The following RBPJ variants were observed in gnomAD, a reference collection of about 807,000 sequenced individuals.
RBPJ encodes recombining binding protein suppressor of hairless.
Under a neutral mutation model 67.8 loss-of-function variants are expected in RBPJ, and 9 were observed. That is an observed-to-expected ratio of 0.13 (90% CI 0.08 to 0.23). The LOEUF (loss-of-function observed/expected upper bound fraction) is 0.23, where lower values mean the gene tolerates loss of function less well. Among genes scored for constraint, RBPJ ranks in the 10% least tolerant of loss-of-function variants. The probability of loss-of-function intolerance (pLI) is 1.00; values close to 1 mark genes in which losing one functional copy is unlikely to be tolerated. For synonymous variants in RBPJ, 198 were observed against 203.3 expected (o/e 0.97, Z 0.22); for missense variants, 305 against 595.6 (o/e 0.51, Z 5.08).
Position 26,424,572 on chromosome 4 carries a change from C to T in RBPJ, c.635-59C>T. On this transcript the variant is annotated intron_variant, in intron 6 of 10. Transcript: ENST00000355476. The surrounding 1 kb of genome is among the most constrained non-coding windows in gnomAD (Gnocchi z 5.3). ...GGATATATTAAGTTTTGTCATTTGC[C>T]TAATCATAAAATAAATTTAAAAAGA... is the stretch of plus-strand genomic sequence containing the variant. 1 of 1,557,800 alleles carries T rather than the reference C, an allele frequency of 6.4e-7. No individual in the cohort carries two copies. Among genetic ancestry groups the T allele is most frequent in the Admixed American group, 1.8e-5 (1 of 56,918 alleles).
chr4:26,194,999 T>C (rs1256643457), intron 1 of RBPJ, among the ~76,000 whole-genome samples: 6 of 152,236 alleles, frequency 3.9e-5, no homozygotes, highest in Non-Finnish European at 5.9e-5. Flanking sequence ...TTCAGGTTTA[T>C]ACTGTAAGCC....
chr4:26,157,611 T>C, the RBPJ span, among the ~76,000 whole-genome samples: 6 of 152,330 alleles, frequency 3.9e-5, no homozygotes, highest in Admixed American at 2.0e-4. Flanking sequence ...AAACTTTCCA[T>C]AAACTTTTTC....
the RBPJ span, among the ~76,000 whole-genome samples, chr4:26,131,501 A>T: frequency 6.6e-6 from 1 of 152,182 alleles, no homozygotes; most frequent in Admixed American, 6.5e-5. Context: ...AGGTCCGTGG[A>T]AGCCCACTGA....
chr4:26,380,668 A>C (rs550133856), intron 1 of RBPJ, among the ~76,000 whole-genome samples: 1 of 152,196 alleles, frequency 6.6e-6, no homozygotes, highest in East Asian at 1.9e-4. Flanking sequence ...TTCATGGTTC[A>C]GAAATCCCAG....
the RBPJ span, among the ~76,000 whole-genome samples, chr4:26,152,460 C>T: frequency 6.6e-6 from 1 of 152,230 alleles, no homozygotes; most frequent in Non-Finnish European, 1.5e-5. Flanking sequence ...GATGGGAAAA[C>T]TTGCATGAGA....
chr4:26,306,892 A>G (rs1722256487), intron 1 of RBPJ, among the ~76,000 whole-genome samples: 1 of 152,088 alleles, frequency 6.6e-6, no homozygotes, highest in South Asian at 2.1e-4. Flanking sequence ...TAACTATTTA[A>G]AATATATTTT....
chr4:26,401,293 C>A (rs868706367), intron 2 of RBPJ, among the ~76,000 whole-genome samples: 1 of 152,186 alleles, frequency 6.6e-6, no homozygotes, highest in South Asian at 2.1e-4. Context: ...CAAAGCTATA[C>A]CCCTAATCAC....
chr4:26,264,745 C>T lies in RBPJ; in HGVS notation c.-166-97701C>T, dbSNP rs575545861. On this transcript the variant is annotated intron_variant, in intron 1 of 4. Transcript: ENST00000512351. The surrounding 1 kb of genome is among the most constrained non-coding windows in gnomAD (Gnocchi z 4.1). ...AGCTTAGTTGTCACTTTCTTGGCCCCTCAAGATGACGTTGGTGCCCCTGCA... is the reference window on the plus strand; with the variant it reads ...AGCTTAGTTGTCACTTTCTTGGCCCTTCAAGATGACGTTGGTGCCCCTGCA... Among the ~76,000 whole-genome samples the T allele has an allele frequency of 6.6e-6, 1 of 152,312 alleles. No individual in the cohort carries two copies. Among genetic ancestry groups the T allele is most frequent in the Middle Eastern group, 3.4e-3 (1 of 294 alleles).
At chr4:26,221,338 C>A (rs760669648) in intron 1 of RBPJ, among the ~76,000 whole-genome samples, 2 of 152,210 alleles carry the variant, frequency 1.3e-5, no homozygotes, top group Admixed American at 6.5e-5. Context: ...GATCCACCCG[C>A]CTCCGCCTCT....
intron 2 of RBPJ, among the ~76,000 whole-genome samples, chr4:26,393,349 A>G (rs1157723106): frequency 6.6e-6 from 1 of 152,044 alleles, no homozygotes; most frequent in African/African-American, 2.4e-5. Flanking sequence ...CCCTTTGATA[A>G]TATAATTTTA....
the RBPJ span, among the ~76,000 whole-genome samples, chr4:26,115,306 T>C: frequency 2.6e-5 from 4 of 152,286 alleles, no homozygotes; most frequent in South Asian, 8.3e-4. Context: ...AGCTAAAAAA[T>C]GTTTTTGTGA....
At chr4:26,312,554 T>C (rs1447145478) in intron 1 of RBPJ, among the ~76,000 whole-genome samples, 1 of 152,192 alleles carries the variant, frequency 6.6e-6, no homozygotes, top group African/African-American at 2.4e-5. Flanking sequence ...ACGTGCTGTT[T>C]CCTGTGCTTG....
chr4:26,397,306 G>T (rs1364435281), intron 2 of RBPJ, among the ~76,000 whole-genome samples: 1 of 152,052 alleles, frequency 6.6e-6, no homozygotes, highest in Non-Finnish European at 1.5e-5. Flanking sequence ...GTTTTGTGGG[G>T]GTGCGTATAA....
chr4:26,136,684 A>G, the RBPJ span, among the ~76,000 whole-genome samples: 4 of 152,188 alleles, frequency 2.6e-5, no homozygotes, highest in Non-Finnish European at 5.9e-5. Flanking sequence ...AAACATCATG[A>G]TCATCATCAT....
intron 1 of RBPJ, among the ~76,000 whole-genome samples, chr4:26,336,828 A>G (rs1724884933): frequency 6.6e-6 from 1 of 152,210 alleles, no homozygotes; most frequent in African/African-American, 2.4e-5. Flanking sequence ...ACCAAAACAC[A>G]TTAACATTTT....
At chr4:26,195,455 T>C (rs1232889640) in intron 1 of RBPJ, among the ~76,000 whole-genome samples, 8 of 152,178 alleles carry the variant, frequency 5.3e-5, no homozygotes, top group Non-Finnish European at 8.8e-5. Context: ...TAAGATACTG[T>C]CTCAAATAAT....
intron 1 of RBPJ, among the ~76,000 whole-genome samples, chr4:26,214,487 GGGAA>G (rs1264382220): frequency 1.2e-4 from 11 of 88,232 alleles, no homozygotes; most frequent in Admixed American, 1.2e-3. Context: ...GAAACAAGGA[GGGAA>G]GGAGGGAGGG....
intron 1 of RBPJ, among the ~76,000 whole-genome samples, chr4:26,242,454 AAAAAAAAGAAAAGAAAAG>A (rs1459681877): frequency 6.6e-6 from 1 of 151,234 alleles, no homozygotes; most frequent in African/African-American, 2.4e-5. Flanking sequence ...CTCAAAAAAA[AAAAAAAAGAAAAGAAAAG>A]AAAAAAAGAA....
rs1403610398 is a variant in RBPJ, at chr4:26,368,355, A to G, written c.21-17998A>G. The stretch of plus-strand genomic sequence containing the variant: ...TCCAACTCTTCCTACTCTTTTCCAT[A>G]GCGTTGTTTTGGCTTTTTGGCATTG... On this transcript the variant is annotated intron_variant, in intron 1 of 10. Coordinates refer to ENST00000355476, the MANE Select transcript of RBPJ (RefSeq NM_015874.6). Among the ~76,000 whole-genome samples, 4 of 151,930 alleles carry G rather than the reference A, an allele frequency of 2.6e-5. 1 individual carries two copies. The East Asian group carries it at 7.7e-4, about 29-fold the overall frequency.
Sources: allele counts gnomAD v4.1 joint callset (sites outside exome capture counted in the v4.1 genomes callset), GRCh38; gene constraint gnomAD v4.1.1; non-coding constraint Gnocchi (gnomAD v3.1); transcripts MANE v1.5; gene names NCBI Gene and HGNC (gene_info 2026-07-23, HGNC 2026-07-21).